The following COL22A1 variants were observed in gnomAD, a reference collection of about 807,000 sequenced individuals.
COL22A1 encodes collagen type XXII alpha 1 chain, also known as collagen alpha-1(XXII) chain.
Under a neutral mutation model 248.9 loss-of-function variants are expected in COL22A1, and 221 were observed. The observed-to-expected ratio is 0.89, with a 90% confidence interval of 0.80 to 0.99. The LOEUF (loss-of-function observed/expected upper bound fraction) is 0.99. COL22A1 is among the 50% of genes least tolerant of loss of function. The probability of loss-of-function intolerance (pLI) is 0.00; values close to 1 mark genes in which losing one functional copy is unlikely to be tolerated. For synonymous variants in COL22A1, 891 were observed against 793.4 expected (o/e 1.12, Z -2.07); for missense variants, 2,240 against 2,179.0 (o/e 1.03, Z -0.56).
At chr8:138,766,463 T>TGGAGACAGAGAGAGAC (rs1364887211) in intron 16 of COL22A1, among the ~76,000 whole-genome samples, 3 of 97,970 alleles carry the variant, frequency 3.1e-5, no homozygotes, top group African/African-American at 8.5e-5. Context: ...GAGAGACAGA[T>TGGAGACAGAGAGAGAC]GGAGACAGAG....
chr8:138,683,017 CAGG>C (rs1437754468), intron 39 of COL22A1, among the ~76,000 whole-genome samples: 1 of 152,128 alleles, frequency 6.6e-6, no homozygotes, highest in Non-Finnish European at 1.5e-5. Flanking sequence ...ACTTTAAAAC[CAGG>C]ACAAACATCT....
intron 1 of COL22A1, among the ~76,000 whole-genome samples, chr8:138,902,737 T>C (rs200536098): frequency 0.013 from 1,369 of 107,028 alleles, 19 homozygotes; most frequent in Middle Eastern, 0.026. Flanking sequence ...TATATATATA[T>C]ATACACACAC....
At chr8:138,730,184 C>T (rs1830605816) in intron 23 of COL22A1, among the ~76,000 whole-genome samples, 1 of 152,206 alleles carries the variant, frequency 6.6e-6, no homozygotes, top group Admixed American at 6.5e-5. Flanking sequence ...TGTGCAGGTC[C>T]CTGCACTCAG....
At chr8:138,836,226 G>T (rs545209257) in intron 4 of COL22A1, among the ~76,000 whole-genome samples, 2 of 152,036 alleles carry the variant, frequency 1.3e-5, no homozygotes, top group Non-Finnish European at 2.9e-5. Flanking sequence ...AGCCTAGATC[G>T]CACCACAGCA....
At chr8:138,681,357 C>T (rs1825950407) in intron 39 of COL22A1, among the ~76,000 whole-genome samples, 1 of 151,936 alleles carries the variant, frequency 6.6e-6, no homozygotes, top group African/African-American at 2.4e-5. Context: ...TCTTTGGGAT[C>T]CATTGGATCA....
At chr8:138,888,381 G>A (rs1824820801) in intron 1 of COL22A1, among the ~76,000 whole-genome samples, 1 of 152,174 alleles carries the variant, frequency 6.6e-6, no homozygotes, top group Admixed American at 6.5e-5. Context: ...GAGTTTGGAA[G>A]GCTGAGCAGG....
intron 41 of COL22A1, among the ~76,000 whole-genome samples, chr8:138,666,759 G>A (rs924510944): frequency 2.6e-5 from 4 of 152,136 alleles, no homozygotes; most frequent in African/African-American, 9.7e-5. Context: ...TAAATCCCAG[G>A]ATCCACTTTG....
intron 16 of COL22A1, among the ~76,000 whole-genome samples, chr8:138,766,707 G>A: frequency 6.6e-6 from 1 of 152,162 alleles, no homozygotes; most frequent in Admixed American, 6.5e-5. Context: ...GACACACACA[G>A]TCAGGGACAG....
chr8:138,595,047 C>T (rs1369092489), intron 62 of COL22A1, among the ~76,000 whole-genome samples: 4 of 152,124 alleles, frequency 2.6e-5, no homozygotes, highest in Non-Finnish European at 4.4e-5. Flanking sequence ...GCCATGCAGT[C>T]ATAGGTAATC....
intron 31 of COL22A1, among the ~76,000 whole-genome samples, chr8:138,700,878 G>A (rs1176192877): frequency 6.6e-6 from 1 of 151,794 alleles, no homozygotes; most frequent in Non-Finnish European, 1.5e-5. Flanking sequence ...CCAGCTACTC[G>A]GGAGGCTGAG....
intron 1 of COL22A1, among the ~76,000 whole-genome samples, chr8:138,902,735 TATATAC>T (rs1402900724): frequency 2.2e-4 from 20 of 90,298 alleles, no homozygotes; most frequent in African/African-American, 3.9e-4. Flanking sequence ...AATATATATA[TATATAC>T]ACACACACAC....
Position 138,634,998 on chromosome 8 carries a change from A to G in COL22A1, c.3609+12T>C. ...AGGCCGAAAGAGGAGGGGATTAAAG[A>G]TGATTACTTACTGGTGGCCCAGGGT... is the stretch of plus-strand genomic sequence containing the variant. On this transcript the variant is annotated intron_variant, in intron 49 of 64. Coordinates refer to ENST00000303045, the MANE Select transcript of COL22A1 (RefSeq NM_152888.3). 2 of 1,576,490 alleles carry G rather than the reference A, an allele frequency of 1.3e-6. No individual in the cohort carries two copies. Among genetic ancestry groups the G allele is most frequent in the South Asian group, 2.2e-5 (2 of 90,090 alleles).
intron 39 of COL22A1, among the ~76,000 whole-genome samples, chr8:138,680,346 G>A (rs1448403949): frequency 6.6e-6 from 1 of 152,182 alleles, no homozygotes; most frequent in Non-Finnish European, 1.5e-5. Context: ...TACGGAAAAG[G>A]AACTGAGGCT....
At chr8:138,730,793 G>A (rs1204950767) in intron 23 of COL22A1, among the ~76,000 whole-genome samples, 1 of 151,860 alleles carries the variant, frequency 6.6e-6, no homozygotes, top group Non-Finnish European at 1.5e-5. Flanking sequence ...AGCTTGCTGT[G>A]GAAGGGCTTA....
chr8:138,836,878 C>T (rs372952175), intron 4 of COL22A1, among the ~76,000 whole-genome samples: 43 of 152,238 alleles, frequency 2.8e-4, no homozygotes, highest in African/African-American at 9.9e-4. Context: ...ACAGAACAGC[C>T]GCTGTTCCTA....
At chr8:138,875,419 C>T (rs1358046696) in intron 3 of COL22A1, among the ~76,000 whole-genome samples, 1 of 152,158 alleles carries the variant, frequency 6.6e-6, no homozygotes, top group East Asian at 1.9e-4. Flanking sequence ...TGAACCAAGA[C>T]TGTCAGGATG....
chr8:138,868,606 C>T (rs1369470528), intron 3 of COL22A1, among the ~76,000 whole-genome samples: 3 of 152,170 alleles, frequency 2.0e-5, no homozygotes, highest in Non-Finnish European at 4.4e-5. Flanking sequence ...CAAGTAAATA[C>T]ATCATGTGTG....
chr8:138,768,997 C>T (rs902637432), intron 16 of COL22A1, among the ~76,000 whole-genome samples: 51 of 152,106 alleles, frequency 3.4e-4, no homozygotes, highest in African/African-American at 1.2e-3. Flanking sequence ...CCCATGAAGA[C>T]TCTCCCATCT....
intron 9 of COL22A1, among the ~76,000 whole-genome samples, chr8:138,811,090 C>T (rs1292470667): frequency 5.3e-5 from 8 of 152,080 alleles, no homozygotes; most frequent in African/African-American, 1.7e-4. Context: ...TGGAGAAGAA[C>T]TTTTTTACCC....
Sources: allele counts gnomAD v4.1 joint callset (sites outside exome capture counted in the v4.1 genomes callset), GRCh38; gene constraint gnomAD v4.1.1; transcripts MANE v1.5; gene names NCBI Gene and HGNC (gene_info 2026-07-23, HGNC 2026-07-21).